PPFIA4: variants seen among roughly 807,000 people sequenced by gnomAD.
The protein encoded by PPFIA4 is liprin-alpha-4.
PPFIA4 carries 98 observed loss-of-function variants against 145.7 expected under a neutral mutation model. The observed-to-expected ratio is 0.67, with a 90% CI of 0.57 to 0.80. The LOEUF (loss-of-function observed/expected upper bound fraction) is 0.80, where lower values mean the gene tolerates loss of function less well. Among genes scored for constraint, PPFIA4 ranks in the 30% least tolerant of loss-of-function variants. The pLI is 0.00. For missense variants in PPFIA4, 1,457 were observed against 1,632.7 expected, an observed-to-expected ratio of 0.89 and a Z score of 1.85; for synonymous variants, 628 against 649.6, an observed-to-expected ratio of 0.97 and a Z score of 0.51.
rs1200859002 is a variant in PPFIA4 at position 203,074,852 on chromosome 1, A to T, written c.3394-725A>T. Among the ~76,000 whole-genome samples, 2 of 151,326 alleles carry T rather than the reference A, an allele frequency of 1.3e-5. 1 individual carries two copies. The highest frequency in any genetic ancestry group is 4.9e-5 in the African/African-American group (2 of 41,056). Reference sequence around the variant, plus strand: ...TTTGGAGACATGGCTGGCATGGGTGAGGGGGGCAGGTGGCAGGGGGCTGCC... The same window carrying T: ...TTTGGAGACATGGCTGGCATGGGTGTGGGGGGCAGGTGGCAGGGGGCTGCC... On this transcript the variant is annotated intron_variant, in intron 28 of 29. Coordinates refer to ENST00000295706, the MANE Select transcript of PPFIA4 (RefSeq NM_001304331.2).
Position 203,044,444 on chromosome 1 carries a change from C to G in PPFIA4, c.567C>G (p.Ala189=). The G allele has an allele frequency of 6.4e-7, 1 of 1,551,082 alleles. No homozygotes were observed. Among genetic ancestry groups the G allele is most frequent in the East Asian group, 2.4e-5 (1 of 40,920 alleles). The change falls in exon 5 of 30, where the codon GCC becomes GCG. Residue 189 remains alanine, a synonymous_variant. Transcript: ENST00000295706. ...CCTTGGAGGAGCAGCTGGCAGGTGC[C>G]CACCAGCAGGTAATCTGCCTGCTCA... is the stretch of plus-strand genomic sequence containing the variant. The part of the protein sequence containing the change: ...VTTLEEQLAG[A]HQQVSALQQG...
chr1:203,042,796 G>A (rs796577473), intron 2 of PPFIA4, among the ~76,000 whole-genome samples: 1 of 151,940 alleles, frequency 6.6e-6, no homozygotes, highest in Non-Finnish European at 1.5e-5. Flanking sequence ...GCGCCACCAC[G>A]TCTGACTAAT....
intron 6 of PPFIA4, 66 bp from the exon 7 acceptor site, chr1:203,045,302 G>C (rs1022837253): frequency 1.5e-6 from 2 of 1,375,514 alleles, no homozygotes; most frequent in African/African-American, 2.9e-5. Context: ...TCCACCCCTG[G>C]GATAGGGGAG....
intron 9 of PPFIA4, 70 bp downstream of exon 9, chr1:203,046,452 G>A: frequency 1.3e-6 from 2 of 1,498,142 alleles, no homozygotes; most frequent in South Asian, 1.3e-5. Flanking sequence ...GCCAGGCAGG[G>A]AAGGGAGCGC....
Position 203,060,917 on chromosome 1 carries a change from G to A in PPFIA4, c.2785-53G>A. 6.5e-7 allele frequency: 1 copy of A among 1,546,966 alleles called. No individual in the cohort carries two copies. The highest frequency in any genetic ancestry group is 8.9e-7 in the Non-Finnish European group (1 of 1,119,614). ...TGTCCTTTGGGCTCCCAGCCTGATG[G>A]GGATCCTGGGGACCCACACCCAGGA... is the stretch of plus-strand genomic sequence containing the variant. On this transcript the variant is annotated intron_variant, in intron 22 of 29. Coordinates refer to ENST00000295706, the MANE Select transcript of PPFIA4 (RefSeq NM_001304331.2). This position sits in a 1 kb window ranked among gnomAD's most constrained non-coding sequence, Gnocchi z 4.8.
Position 203,045,521 on chromosome 1 carries a change from G to A in PPFIA4, c.820G>A (p.Glu274Lys). 1 of 1,604,678 alleles carries A rather than the reference G, an allele frequency of 6.2e-7. No homozygotes were observed. The highest frequency in any genetic ancestry group is 8.5e-7 in the Non-Finnish European group (1 of 1,176,396). ...GTARRDLIKS[E>K]ELSSKHQRDL... The stretch of plus-strand genomic sequence containing the variant: ...GGCCCGCCGGGACCTCATCAAGTCG[G>A]AGGAGCTGAGCAGCAAGCATCAGCG... Residue 274 changes from glutamate to lysine, a missense_variant, in exon 7 of 30, where the codon GAG becomes AAG. By Grantham distance (56) the Glu-to-Lys change is moderately conservative. Around this residue, in one of 3 missense-constraint regions of PPFIA4, gnomAD observed 463 missense variants for 459.8 expected, o/e 1.01. Transcript: ENST00000295706.
intron 25 of PPFIA4, 62 bp downstream of exon 25, chr1:203,064,065 C>G (rs1661574051): frequency 1.3e-6 from 2 of 1,548,956 alleles, no homozygotes; most frequent in South Asian, 2.3e-5. Context: ...CTCTGAGGGT[C>G]TGCCTCCAGG....
intron 1 of PPFIA4, among the ~76,000 whole-genome samples, chr1:203,030,168 C>T (rs1428910291): frequency 1.3e-5 from 2 of 151,956 alleles, no homozygotes. Flanking sequence ...GCTGCTTGTT[C>T]CTGAAGGATA....
At chr1:203,074,421 CT>C (rs1426876391) in intron 28 of PPFIA4, among the ~76,000 whole-genome samples, 1 of 149,278 alleles carries the variant, frequency 6.7e-6, no homozygotes, top group African/African-American at 2.5e-5. Context: ...GAGACCACCA[CT>C]GTATATGCCA....
rs945878952 is a variant in PPFIA4 at position 203,044,173 on chromosome 1, C to A, written c.501+78C>A. 4.8e-6 allele frequency: 7 copies of A among 1,448,408 alleles called. No homozygotes were observed. In the African/African-American group the frequency reaches 9.9e-5, roughly 21 times the overall value. 89.7% of individuals were successfully genotyped at this position (1,448,408 alleles called of 1,614,324 possible). On this transcript the variant is annotated intron_variant, in intron 4 of 29. Transcript: ENST00000295706. ...CCATGTATCCCTTCTCTGAGATTTC[C>A]ACATCCGGTATTTAGGGAGCACTGG...
intron 25 of PPFIA4, among the ~76,000 whole-genome samples, chr1:203,065,322 AC>A (rs368534092): frequency 2.8e-5 from 4 of 142,088 alleles, no homozygotes; most frequent in African/African-American, 1.1e-4. Context: ...ACCCGCCCCC[AC>A]CCAAATCAGC....
chr1:203,072,655 C>T (rs189857559), intron 28 of PPFIA4, among the ~76,000 whole-genome samples: 236 of 152,208 alleles, frequency 1.6e-3, no homozygotes, highest in Non-Finnish European at 2.7e-3. Context: ...GTGTGTTTTT[C>T]GCTGCTCTGT....
intron 1 of PPFIA4, among the ~76,000 whole-genome samples, chr1:203,028,541 C>G (rs868382820): frequency 1.3e-5 from 2 of 152,034 alleles, no homozygotes; most frequent in African/African-American, 4.8e-5. Flanking sequence ...CCGAGGCCTT[C>G]GAATGCCAAG....
At chr1:203,057,942 C>T (rs1661089153) in intron 19 of PPFIA4, among the ~76,000 whole-genome samples, 1 of 151,936 alleles carries the variant, frequency 6.6e-6, no homozygotes, top group Non-Finnish European at 1.5e-5. Context: ...TTGGTATGTA[C>T]TTATGCATAT....
rs759370767 is a variant in PPFIA4, at chr1:203,039,170, A to G, written c.162A>G (p.Thr54=). ...AGAGTCAGGAGACCTTGGCGGCCACACAGAGCCGGCTCCAGGATGCCATAC... is the reference window on the plus strand; with the variant it reads ...AGAGTCAGGAGACCTTGGCGGCCACGCAGAGCCGGCTCCAGGATGCCATAC... ...LRESQETLAA[T]QSRLQDAIHE... is the part of the protein sequence containing the mutation. The change falls in exon 2 of 30, where the codon ACA becomes ACG. Residue 54 remains threonine (T), a synonymous_variant. Transcript: ENST00000295706. 6.2e-7 allele frequency: 1 copy of G among 1,607,312 alleles called. No individual in the cohort carries two copies. Among genetic ancestry groups the G allele is most frequent in the Non-Finnish European group, 8.5e-7 (1 of 1,177,372 alleles).
intron 28 of PPFIA4, among the ~76,000 whole-genome samples, chr1:203,073,429 T>G (rs954126566): frequency 2.2e-4 from 34 of 152,240 alleles, no homozygotes; most frequent in Admixed American, 1.7e-3. Context: ...GGGATTCAAC[T>G]AGGTGTGGGC....
At chr1:203,064,920 C>T (rs1661630819) in intron 25 of PPFIA4, among the ~76,000 whole-genome samples, 1 of 152,234 alleles carries the variant, frequency 6.6e-6, no homozygotes, top group Non-Finnish European at 1.5e-5. Flanking sequence ...GGAAGTCCTT[C>T]TTAACATCCA....
At chr1:203,054,354 A>C in intron 15 of PPFIA4, among the ~76,000 whole-genome samples, 1 of 152,154 alleles carries the variant, frequency 6.6e-6, no homozygotes, top group Non-Finnish European at 1.5e-5. Flanking sequence ...TCCCTGTTTT[A>C]CAGACAAGGG....
At position 203,043,943 on chromosome 1, in the gene PPFIA4, C is replaced by A; in HGVS notation, c.349C>A (p.His117Asn). The A allele has an allele frequency of 6.2e-7, 1 of 1,606,024 alleles. No homozygotes were observed. The highest frequency in any genetic ancestry group is 1.3e-5 in the African/African-American group (1 of 74,878). The change falls in exon 4 of 30, where the codon CAT (histidine) becomes AAT (asparagine). Residue 117 changes from histidine to asparagine, a missense_variant. Coordinates refer to ENST00000295706, the MANE Select transcript of PPFIA4 (RefSeq NM_001304331.2). The surrounding 1 kb of genome is among the most constrained non-coding windows in gnomAD (Gnocchi z 4.4). ...CTCTCCCTGCCAGCTGCTTCTGGAA[C>A]ATCTGGAGTGCCTGGTGTCCCGCCA... ...ERNNTRLLLE[H>N]LECLVSRHER... is the part of the protein sequence containing the mutation.
Sources: allele counts gnomAD v4.1 joint callset (sites outside exome capture counted in the v4.1 genomes callset), GRCh38; gene constraint gnomAD v4.1.1; regional missense constraint gnomAD v4.1.1; non-coding constraint Gnocchi (gnomAD v3.1); transcripts MANE v1.5; gene names NCBI Gene and HGNC (gene_info 2026-07-23, HGNC 2026-07-21).